Variants in ANKRD27 observed in about 807,000 individuals in gnomAD.
The protein encoded by ANKRD27 is ankyrin repeat domain 27, also known as ankyrin repeat domain-containing protein 27.
In ANKRD27, 112 loss-of-function variants were observed where a neutral mutation model predicts 129.7. The ratio of observed to expected loss-of-function variants is 0.86; its 90% CI spans 0.74 to 1.01. The LOEUF (loss-of-function observed/expected upper bound fraction) is 1.01. Ranked by LOEUF, ANKRD27 falls within the 50% of genes least tolerant of loss-of-function variation. ANKRD27 has a pLI of 0.00. For synonymous variants in ANKRD27, 516 were observed against 511.2 expected, an observed-to-expected ratio of 1.01 and a Z score of -0.13; for missense variants, 1,258 against 1,300.5, an observed-to-expected ratio of 0.97 and a Z score of 0.50.
chr19:32,635,308 A>C (rs895863585), intron 12 of ANKRD27, among the ~76,000 whole-genome samples: 3 of 152,096 alleles, frequency 2.0e-5, no homozygotes, highest in Non-Finnish European at 2.9e-5. Context: ...CAGGGCAAAA[A>C]CCACCGCAGG....
chr19:32,654,571 G>A lies in ANKRD27; in HGVS notation c.102+4343C>T, dbSNP rs746782. 3.5e-3 allele frequency among the ~76,000 whole-genome samples: 537 copies of A among 152,318 alleles called. 13 individuals carry two copies. The South Asian group carries it at 0.062, about 18-fold the overall frequency. On this transcript the variant is annotated intron_variant, in intron 2 of 28. Transcript: ENST00000306065. ...CTCCTCACACGGACAAGAGGGGGCC[G>A]GCATGGGCCAGCAAACCTGACCAGT...
chr19:32,646,400 C>G (rs1008484150), intron 4 of ANKRD27, 59 bp downstream of exon 4: 2 of 1,541,418 alleles, frequency 1.3e-6, no homozygotes, highest in Non-Finnish European at 8.8e-7. Context: ...AAGTCAGGAA[C>G]AAGTTCAACA....
At chr19:32,667,332 T>C (rs1398348152) in intron 1 of ANKRD27, among the ~76,000 whole-genome samples, 1 of 152,228 alleles carries the variant, frequency 6.6e-6, no homozygotes, top group Non-Finnish European at 1.5e-5. Context: ...ACATTTTCCT[T>C]CAATAACTTA....
intron 27 of ANKRD27, 83 bp from the exon 28 acceptor site, chr19:32,599,859 G>C (rs1311333725): frequency 1.3e-6 from 2 of 1,528,702 alleles, no homozygotes; most frequent in African/African-American, 2.8e-5. Context: ...CAGCATTTTT[G>C]ACATTAGTAG....
At chr19:32,665,983 G>C (rs949819053) in intron 1 of ANKRD27, among the ~76,000 whole-genome samples, 3 of 151,856 alleles carry the variant, frequency 2.0e-5, no homozygotes, top group Non-Finnish European at 4.4e-5. Flanking sequence ...GGCCAGGCTG[G>C]TCTTGAACTC....
rs1360346153 is a variant in ANKRD27 at position 32,641,629 on chromosome 19, T to C, written c.904+395A>G. Among the ~76,000 whole-genome samples the C allele has an allele frequency of 2.6e-5, 4 of 152,166 alleles. No homozygotes were observed. In the East Asian group the frequency reaches 7.7e-4, roughly 29 times the overall value. On this transcript the variant is annotated intron_variant, in intron 10 of 28. Coordinates refer to ENST00000306065, the MANE Select transcript of ANKRD27 (RefSeq NM_032139.3). The stretch of plus-strand genomic sequence containing the variant: ...TGGCTAAACAGCTATCCCCCATTCT[T>C]TGATGCTGTTGGCTGGAAGTCTACC...
intron 23 of ANKRD27, among the ~76,000 whole-genome samples, chr19:32,607,376 G>C (rs1971759807): frequency 2.0e-5 from 3 of 150,742 alleles, no homozygotes; most frequent in Non-Finnish European, 2.9e-5. Flanking sequence ...ATCCTGCTGG[G>C]GGCAAGAATC....
rs1555747135 is a variant in ANKRD27 at position 32,656,103 on chromosome 19, G to GA, written c.102+2810dup. ...AGAAAGAAAGAAAGAAAGAAAGAAA[G>GA]AAAGAAAAGAAAAGAAAAGAAAAGA... is the stretch of plus-strand genomic sequence containing the variant. On this transcript the variant is annotated intron_variant, in intron 2 of 28. Coordinates refer to ENST00000306065, the MANE Select transcript of ANKRD27 (RefSeq NM_032139.3). 0.011 allele frequency among the ~76,000 whole-genome samples: 1,412 copies of GA among 123,366 alleles called. 91 individuals are homozygous for GA. In the East Asian group the frequency reaches 0.19, roughly 16 times the overall value. 80.9% of individuals were successfully genotyped at this position (123,366 alleles called of 152,430 possible). A position where few individuals can be genotyped will look rare whatever the true frequency, so the allele number is the denominator to read the frequency against.
intron 22 of ANKRD27, among the ~76,000 whole-genome samples, chr19:32,610,319 T>A (rs899043649): frequency 2.4e-4 from 36 of 148,774 alleles, no homozygotes; most frequent in East Asian, 8.1e-4. Context: ...AAAAAATAAA[T>A]AAATAAATAA....
At chr19:32,656,063 G>GAAAGA (rs1555747079) in intron 2 of ANKRD27, among the ~76,000 whole-genome samples, 49 of 38,136 alleles carry the variant, frequency 1.3e-3, no homozygotes, top group South Asian at 3.3e-3. Flanking sequence ...AGAAAGAAAA[G>GAAAGA]AAAGAAAGAA....
At chr19:32,648,348 GCA>G (rs566743752) in intron 3 of ANKRD27, among the ~76,000 whole-genome samples, 79 of 152,328 alleles carry the variant, frequency 5.2e-4, no homozygotes, top group African/African-American at 1.9e-3. Context: ...GGTATAATCA[GCA>G]CAGTCTGTAT....
intron 25 of ANKRD27, among the ~76,000 whole-genome samples, chr19:32,602,918 A>G (rs189798030): frequency 6.6e-6 from 1 of 152,196 alleles, no homozygotes; most frequent in Non-Finnish European, 1.5e-5. Context: ...AAAATTAAAA[A>G]TTTTAAAAAC....
chr19:32,670,992 T>C (rs1967859158), intron 1 of ANKRD27, among the ~76,000 whole-genome samples: 1 of 150,576 alleles, frequency 6.6e-6, no homozygotes, highest in African/African-American at 2.5e-5. Flanking sequence ...TTTCAAAAAA[T>C]GACAAAAAAA....
chr19:32,619,978 C>G (rs917863470), intron 18 of ANKRD27, among the ~76,000 whole-genome samples: 1 of 152,156 alleles, frequency 6.6e-6, no homozygotes, highest in Non-Finnish European at 1.5e-5. Context: ...GCCGAGAAGG[C>G]AGCCTCTCTT....
chr19:32,619,852 C>G (rs1035183535), intron 18 of ANKRD27, among the ~76,000 whole-genome samples: 1 of 152,130 alleles, frequency 6.6e-6, no homozygotes, highest in African/African-American at 2.4e-5. Flanking sequence ...AAGCCAGACC[C>G]GCATGGAGCC....
At chr19:32,625,834 G>A (rs766580950) in intron 17 of ANKRD27, 40 bp downstream of exon 17, 1 of 1,457,102 alleles carries the variant, frequency 6.9e-7, no homozygotes, top group African/African-American at 1.4e-5. Flanking sequence ...GAGTGGGAAA[G>A]GGTGAACGCA....
intron 12 of ANKRD27, chr19:32,636,474 G>A (rs1967091428): frequency 6.9e-6 from 1 of 144,016 alleles, no homozygotes. Flanking sequence ...TGCAAGAAAT[G>A]AACGAATAAA....
chr19:32,616,525 G>T (rs1178192768), intron 21 of ANKRD27, among the ~76,000 whole-genome samples: 1 of 137,166 alleles, frequency 7.3e-6, no homozygotes, highest in African/African-American at 2.7e-5. Flanking sequence ...TGCACTCCTG[G>T]ATGACAGCGC....
chr19:32,619,171 C>A, intron 20 of ANKRD27, 89 bp downstream of exon 20: 1 of 1,505,932 alleles, frequency 6.6e-7, no homozygotes, highest in Non-Finnish European at 8.9e-7. Context: ...GAGAGGGCGG[C>A]CCTTGTCAGG....
Sources: gnomAD v4.1 joint callset for allele counts (sites outside exome capture counted in the v4.1 genomes callset) on GRCh38, gnomAD v4.1.1 for gene constraint, MANE v1.5 for transcripts, NCBI Gene and HGNC (gene_info 2026-07-23, HGNC 2026-07-21) for gene names.